Variants in SNCAIP observed in about 807,000 individuals in gnomAD.
SNCAIP encodes the protein synuclein alpha interacting protein, also known as synphilin-1.
SNCAIP carries 43 observed loss-of-function variants against 86.7 expected under a neutral mutation model. That is an observed-to-expected ratio of 0.50 (90% confidence interval 0.39 to 0.64). The LOEUF is 0.64. Among genes scored for constraint, SNCAIP ranks in the 30% least tolerant of loss-of-function variants. The pLI is 0.00. For missense variants in SNCAIP, 981 were observed against 1,103.1 expected (o/e 0.89, Z 1.57); for synonymous variants, 417 against 427.2 (o/e 0.98, Z 0.29).
At chr5:122,360,008 C>T (rs981193541) in intron 1 of SNCAIP, among the ~76,000 whole-genome samples, 1 of 152,138 alleles carries the variant, frequency 6.6e-6, no homozygotes, top group African/African-American at 2.4e-5. Flanking sequence ...ACCAAAGAAC[C>T]TGCTTAAGAA....
intron 1 of SNCAIP, among the ~76,000 whole-genome samples, chr5:122,390,312 G>A (rs571752115): frequency 6.0e-4 from 91 of 152,244 alleles, no homozygotes; most frequent in Non-Finnish European, 1.2e-3. Context: ...TGCCTCTGCC[G>A]CCGCTGATGG....
intron 1 of SNCAIP, among the ~76,000 whole-genome samples, chr5:122,360,835 GT>G (rs1462548845): frequency 5.9e-5 from 9 of 151,928 alleles, no homozygotes; most frequent in Admixed American, 2.6e-4. Flanking sequence ...ATGTCTCTAG[GT>G]ATACTCCATA....
rs1278040208 is a variant in SNCAIP at position 122,381,501 on chromosome 5, C to T, written c.-46-9588C>T. Among the ~76,000 whole-genome samples the T allele has an allele frequency of 3.9e-4, 58 of 148,420 alleles. 1 individual carries two copies. In the East Asian group the frequency reaches 0.011, roughly 28 times the overall value. ...GGGTCTTGACTCTTTATCCAATTTG[C>T]CAGTCTGTGTCTTTTAATTGGAGCA... On this transcript the variant is annotated intron_variant, in intron 1 of 10. Coordinates refer to ENST00000261368, the MANE Select transcript of SNCAIP (RefSeq NM_005460.4).
intron 8 of SNCAIP, among the ~76,000 whole-genome samples, chr5:122,445,227 A>AGATGATTTAATCAGATGAT (rs1782013609): frequency 6.6e-6 from 1 of 152,244 alleles, no homozygotes; most frequent in Non-Finnish European, 1.5e-5. Context: ...TCTTATAAAA[A>AGATGATTTAATCAGATGAT]TTAATCAGAT....
intron 7 of SNCAIP, 138 bp downstream of exon 7, chr5:122,440,892 T>C (rs1780732865): frequency 1.2e-6 from 1 of 813,088 alleles, no homozygotes. Flanking sequence ...ATTATTGCTC[T>C]ATTTGTGTTT....
intron 1 of SNCAIP, among the ~76,000 whole-genome samples, chr5:122,339,767 T>C (rs866796260): frequency 3.9e-5 from 6 of 152,356 alleles, no homozygotes; most frequent in Middle Eastern, 6.8e-3. Context: ...TCTCTTGTGA[T>C]TTCTCAAGTT....
chr5:122,462,706 G>GATGCAGC (rs1334956877), intron 10 of SNCAIP, among the ~76,000 whole-genome samples: 1 of 152,166 alleles, frequency 6.6e-6, no homozygotes, highest in Non-Finnish European at 1.5e-5. Context: ...TCCAAATGTG[G>GATGCAGC]TCTCATAATA....
At chr5:122,318,171 C>A (rs1752183687) in intron 1 of SNCAIP, among the ~76,000 whole-genome samples, 1 of 152,044 alleles carries the variant, frequency 6.6e-6, no homozygotes, top group African/African-American at 2.4e-5. Flanking sequence ...ACGCCTTCTT[C>A]TAGCTGCCCA....
intron 8 of SNCAIP, among the ~76,000 whole-genome samples, chr5:122,446,748 C>A (rs941956221): frequency 3.3e-5 from 5 of 152,256 alleles, no homozygotes; most frequent in Admixed American, 3.3e-4. Flanking sequence ...CTCCCAGACA[C>A]CAATAACATA....
At chr5:122,372,899 A>T (rs577751944) in intron 1 of SNCAIP, among the ~76,000 whole-genome samples, 74 of 151,966 alleles carry the variant, frequency 4.9e-4, no homozygotes, top group African/African-American at 1.6e-3. Flanking sequence ...TAACATCCCT[A>T]CAAGATCATC....
intron 1 of SNCAIP, chr5:122,370,090 AAAATT>A (rs1381514262): frequency 6.6e-6 from 1 of 152,196 alleles, no homozygotes; most frequent in East Asian, 1.9e-4. Context: ...AACACTAAGA[AAAATT>A]AAATGTTTGA....
intron 3 of SNCAIP, among the ~76,000 whole-genome samples, chr5:122,416,317 T>C (rs1775301161): frequency 6.6e-6 from 1 of 152,162 alleles, no homozygotes; most frequent in African/African-American, 2.4e-5. Flanking sequence ...AATGACGCTT[T>C]CCCCACAGTG....
chr5:122,356,854 AC>A (rs1761114519), intron 1 of SNCAIP, among the ~76,000 whole-genome samples: 1 of 151,988 alleles, frequency 6.6e-6, no homozygotes, highest in African/African-American at 2.4e-5. Flanking sequence ...CCGATGCACC[AC>A]CCTCCTAACT....
chr5:122,413,008 A>G (rs556751785), intron 3 of SNCAIP, among the ~76,000 whole-genome samples: 58 of 152,312 alleles, frequency 3.8e-4, no homozygotes, highest in African/African-American at 1.3e-3. Context: ...TGGTATTTGG[A>G]GGTGGGATCT....
Position 122,403,864 on chromosome 5 carries a change from A to T in SNCAIP, c.129A>T (p.Ser43=). Residue 43 remains serine, a splice_region_variant and synonymous_variant, in exon 3 of 11, where the codon TCA becomes TCT. Coordinates refer to ENST00000261368, the MANE Select transcript of SNCAIP (RefSeq NM_005460.4). ...GTGATACGCAAAACGAAGACAGATC[A>T]GGTAGGTTTTGCTCCTCCCCTCTTC... ...RRCDTQNEDR[S]VSSSSWNCGI... 1 of 1,612,962 alleles carries T rather than the reference A, an allele frequency of 6.2e-7. No homozygotes were observed. The highest frequency in any genetic ancestry group is 8.5e-7 in the Non-Finnish European group (1 of 1,178,952).
chr5:122,399,308 T>G (rs1253836775), intron 2 of SNCAIP, among the ~76,000 whole-genome samples: 1 of 152,078 alleles, frequency 6.6e-6, no homozygotes, highest in Non-Finnish European at 1.5e-5. Context: ...TTATCTGTCT[T>G]CCACACATAA....
intron 2 of SNCAIP, among the ~76,000 whole-genome samples, chr5:122,391,824 T>A (rs538291774): frequency 1.5e-4 from 23 of 152,320 alleles, no homozygotes; most frequent in African/African-American, 5.3e-4. Context: ...TGGAATGGAT[T>A]GTCTACATGC....
chr5:122,447,932 T>C (rs1323964218), intron 8 of SNCAIP, among the ~76,000 whole-genome samples: 1 of 152,204 alleles, frequency 6.6e-6, no homozygotes, highest in Non-Finnish European at 1.5e-5. Flanking sequence ...GACAATTACA[T>C]GTCAGTAGGT....
In SNCAIP at chr5:122,345,988, G is replaced by A. The variant is rs190238508; in HGVS notation, c.-47+33704G>A. ...TTTGGTATAGTTTTATAATGATGATGGGATGAGTGAAGGTGACAGGGAACA... is the reference window on the plus strand; with the variant it reads ...TTTGGTATAGTTTTATAATGATGATAGGATGAGTGAAGGTGACAGGGAACA... On this transcript the variant is annotated intron_variant, in intron 1 of 10. Coordinates refer to ENST00000261368, the MANE Select transcript of SNCAIP (RefSeq NM_005460.4). 8.4e-4 allele frequency among the ~76,000 whole-genome samples: 128 copies of A among 152,166 alleles called. 2 individuals carry two copies. The highest frequency in any genetic ancestry group is 1.2e-3 in the Non-Finnish European group (82 of 67,996).
Sources: gnomAD v4.1 joint callset for allele counts (sites outside exome capture counted in the v4.1 genomes callset) on GRCh38, gnomAD v4.1.1 for gene constraint, MANE v1.5 for transcripts, NCBI Gene and HGNC (gene_info 2026-07-23, HGNC 2026-07-21) for gene names.